The following STK24 variants were observed in gnomAD, a reference collection of about 807,000 sequenced individuals.
STK24 encodes serine/threonine kinase 24.
A neutral mutation model predicts 55.6 loss-of-function variants in STK24; 21 were observed. The ratio of observed to expected loss-of-function variants is 0.38; its 90% CI spans 0.27 to 0.54. STK24 has a LOEUF of 0.54. Ranked by LOEUF, STK24 falls within the 20% of genes least tolerant of loss-of-function variation. STK24 has a pLI of 0.79. For missense variants in STK24, 383 were observed against 538.4 expected (o/e 0.71, Z 2.86); for synonymous variants, 200 against 215.2 (o/e 0.93, Z 0.62).
At chr13:98,511,268 A>T (rs903204362) in intron 2 of STK24, among the ~76,000 whole-genome samples, 3 of 152,262 alleles carry the variant, frequency 2.0e-5, no homozygotes, top group African/African-American at 7.2e-5. Flanking sequence ...CTCAAAAATC[A>T]TAAGTCATTA....
At chr13:98,509,749 T>G (rs1895816600) in intron 2 of STK24, among the ~76,000 whole-genome samples, 1 of 152,178 alleles carries the variant, frequency 6.6e-6, no homozygotes, top group South Asian at 2.1e-4. Flanking sequence ...ATCTGCTTCC[T>G]TTAAACAGAA....
intron 1 of STK24, among the ~76,000 whole-genome samples, chr13:98,534,748 T>C (rs1025256941): frequency 1.3e-5 from 2 of 152,118 alleles, no homozygotes; most frequent in African/African-American, 4.8e-5. Context: ...AAAAACCCAC[T>C]TCAATCTCCT....
Position 98,450,185 on chromosome 13 carries a change from CA to C in STK24, c.*2987del, listed in dbSNP as rs1893119520. 6.6e-6 allele frequency: 1 copy of C among 151,912 alleles called. No individual in the cohort carries two copies. The allele number at this position is 151,912 out of a possible 1,614,324, so 9.4% of individuals were successfully genotyped here. Reference sequence around the variant, plus strand: ...TTTGAGACACACTACACATGAGACACACAATGATGCAGATACTCGTTTTCTT... The same window carrying C: ...TTTGAGACACACTACACATGAGACACCAATGATGCAGATACTCGTTTTCTT... On this transcript the variant is annotated 3_prime_UTR_variant, in exon 11 of 11. Transcript: ENST00000539966.
At chr13:98,486,843 A>G (rs1894827187) in intron 2 of STK24, among the ~76,000 whole-genome samples, 1 of 152,220 alleles carries the variant, frequency 6.6e-6, no homozygotes, top group Non-Finnish European at 1.5e-5. Context: ...TCTTACCAGG[A>G]GACATCAGGC....
intron 10 of STK24, chr13:98,455,554 T>A (rs1469388077): frequency 5.9e-5 from 9 of 152,230 alleles, no homozygotes; most frequent in African/African-American, 2.2e-4. Context: ...AACATAAAAT[T>A]CTGTGTGTGG....
At chr13:98,540,549 CAA>C (rs894933859) in intron 1 of STK24, among the ~76,000 whole-genome samples, 2 of 151,372 alleles carry the variant, frequency 1.3e-5, no homozygotes, top group Non-Finnish European at 2.9e-5. Context: ...AAAACAAAAC[CAA>C]AAAAAGCTAA....
chr13:98,478,194 G>A (rs771741925), intron 3 of STK24, among the ~76,000 whole-genome samples: 12 of 152,134 alleles, frequency 7.9e-5, no homozygotes, highest in Non-Finnish European at 1.5e-4. Context: ...CATCATTCAG[G>A]CACTTGCAGA....
chr13:98,542,787 T>C (rs1270350841), intron 1 of STK24: 71 of 971,222 alleles, frequency 7.3e-5, no homozygotes, highest in Non-Finnish European at 8.4e-5. Context: ...CTACTTTCTA[T>C]GCGTTTGTCT....
chr13:98,499,062 C>G (rs2139339757), intron 2 of STK24, among the ~76,000 whole-genome samples: 1 of 152,310 alleles, frequency 6.6e-6, no homozygotes, highest in Middle Eastern at 3.4e-3. Context: ...GCCTGGCCAA[C>G]ATGGCGAATC....
intron 1 of STK24, among the ~76,000 whole-genome samples, chr13:98,559,002 T>TAAAAAAAAAAAA (rs60756124): frequency 2.1e-4 from 9 of 43,032 alleles, no homozygotes; most frequent in African/African-American, 8.1e-4. Flanking sequence ...CTGTCTCTAC[T>TAAAAAAAAAAAA]AAAAAAAAAA....
chr13:98,517,686 G>A (rs1437773578), intron 2 of STK24, among the ~76,000 whole-genome samples: 1 of 152,160 alleles, frequency 6.6e-6, no homozygotes, highest in Non-Finnish European at 1.5e-5. Context: ...GAAGTCACAT[G>A]TGTAGTGCTT....
In STK24 at chr13:98,482,447, G is replaced by A. The variant is rs533330097; in HGVS notation, c.274-126C>T. 189 of 571,086 alleles carry A rather than the reference G, an allele frequency of 3.3e-4. 1 individual carries two copies. The South Asian group carries it at 4.0e-3, about 12-fold the overall frequency. The allele number at this position is 571,086 out of a possible 1,614,324, so 35.4% of individuals were successfully genotyped here. Reference sequence around the variant, plus strand: ...AAGTTTTACAAACATGTACCAGCACGGGAAGTGTGTCAAAGTGAGAGCTGT... The same window carrying A: ...AAGTTTTACAAACATGTACCAGCACAGGAAGTGTGTCAAAGTGAGAGCTGT... On this transcript the variant is annotated intron_variant, in intron 2 of 10. Transcript: ENST00000539966.
intron 1 of STK24, among the ~76,000 whole-genome samples, chr13:98,546,335 CCTTA>C (rs1261050507): frequency 6.6e-6 from 1 of 152,110 alleles, no homozygotes; most frequent in Non-Finnish European, 1.5e-5. Flanking sequence ...CTGAGAAAGC[CCTTA>C]CTTTCAAAAG....
chr13:98,537,438 T>G (rs1361623932), intron 1 of STK24, among the ~76,000 whole-genome samples: 2 of 152,090 alleles, frequency 1.3e-5, no homozygotes, highest in African/African-American at 4.8e-5. Flanking sequence ...ATCAGCTGAA[T>G]AAACAAGTGA....
rs191175745 is a variant in STK24 at position 98,528,654 on chromosome 13, C to T, written c.43-9181G>A. 4.0e-3 allele frequency among the ~76,000 whole-genome samples: 616 copies of T among 152,298 alleles called. 3 individuals carry two copies. Among genetic ancestry groups the T allele is most frequent in the Admixed American group, 9.5e-3 (145 of 15,302 alleles). ...ATTTTATATTTTTAAACCTGAATAGCTGTCATCATCTTCTTTTGATCATTT... is the reference window on the plus strand; with the variant it reads ...ATTTTATATTTTTAAACCTGAATAGTTGTCATCATCTTCTTTTGATCATTT... On this transcript the variant is annotated intron_variant, in intron 1 of 10. Coordinates refer to ENST00000539966, the MANE Select transcript of STK24 (RefSeq NM_001032296.4).
At chr13:98,476,617 G>A (rs1313741918) in intron 3 of STK24, among the ~76,000 whole-genome samples, 4 of 152,248 alleles carry the variant, frequency 2.6e-5, no homozygotes, top group Non-Finnish European at 4.4e-5. Flanking sequence ...CAGTCCTTGC[G>A]TGCCTCAGCT....
At chr13:98,466,662 T>G in intron 5 of STK24, 101 bp from the exon 6 acceptor site, 1 of 1,305,700 alleles carries the variant, frequency 7.7e-7, no homozygotes, top group South Asian at 1.5e-5. Flanking sequence ...CTTCTGAGGT[T>G]TTGAAAAAGG....
rs76772231 is a variant in STK24 at position 98,479,243 on chromosome 13, C to A, written c.330+3022G>T. 9.2e-3 allele frequency among the ~76,000 whole-genome samples: 1,406 copies of A among 152,294 alleles called. 18 individuals are homozygous for A. Among genetic ancestry groups the A allele is most frequent in the African/African-American group, 0.031 (1,285 of 41,552 alleles). On this transcript the variant is annotated intron_variant, in intron 3 of 10. Transcript: ENST00000539966. ...TTCAAGCTATATTCCAAGAGCCCAG[C>A]GGCCTTGGGATCATATAGACACTTA...
chr13:98,518,634 G>T (rs1896152720), intron 2 of STK24, among the ~76,000 whole-genome samples: 2 of 152,154 alleles, frequency 1.3e-5, no homozygotes, highest in African/African-American at 2.4e-5. Flanking sequence ...TGGTAAAATG[G>T]TTCCATGCAG....
Sources: gnomAD v4.1 joint callset for allele counts (sites outside exome capture counted in the v4.1 genomes callset) on GRCh38, gnomAD v4.1.1 for gene constraint, MANE v1.5 for transcripts, NCBI Gene and HGNC (gene_info 2026-07-23, HGNC 2026-07-21) for gene names.